The following NIBAN1 variants were observed in gnomAD, a reference collection of about 807,000 sequenced individuals.
NIBAN1 encodes the protein niban apoptosis regulator 1, also known as protein Niban 1.
Under a neutral mutation model 75.1 loss-of-function variants are expected in NIBAN1, and 81 were observed. The ratio of observed to expected loss-of-function variants is 1.08; its 90% CI spans 0.90 to 1.30. NIBAN1 has a LOEUF of 1.30. Ranked by LOEUF, NIBAN1 falls within the 50% of genes most tolerant of loss-of-function variation. The pLI, the probability that NIBAN1 is intolerant of heterozygous loss-of-function variation, is 0.00. For synonymous variants in NIBAN1, 436 were observed against 424.8 expected (o/e 1.03, Z -0.32); for missense variants, 1,133 against 1,128.1 (o/e 1.00, Z -0.06).
chr1:184,919,759 A>G (rs1277217148), intron 1 of NIBAN1, among the ~76,000 whole-genome samples: 1 of 152,134 alleles, frequency 6.6e-6, no homozygotes, highest in Non-Finnish European at 1.5e-5. Flanking sequence ...GAAATTCTGT[A>G]AACATCCTAG....
intron 5 of NIBAN1, among the ~76,000 whole-genome samples, chr1:184,862,420 G>C (rs893129963): frequency 2.0e-5 from 3 of 152,000 alleles, no homozygotes; most frequent in African/African-American, 7.3e-5. Flanking sequence ...GGGCTCAAGC[G>C]ATCCTCCTGC....
At chr1:184,860,155 G>A (rs942831041) in intron 5 of NIBAN1, among the ~76,000 whole-genome samples, 1 of 152,000 alleles carries the variant, frequency 6.6e-6, no homozygotes. Context: ...CAAAGCCATA[G>A]GACTAATATA....
At position 184,890,153 on chromosome 1, in the gene NIBAN1, C is replaced by T. The variant is rs1656628121; in HGVS notation, c.388G>A (p.Asp130Asn). 1 of 1,613,814 alleles carries T rather than the reference C, an allele frequency of 6.2e-7. No homozygotes were observed. The highest frequency in any genetic ancestry group is 1.3e-5 in the African/African-American group (1 of 74,914). ...CTGTCAGACAACAGATTATATTCAT[C>T]TTCTGAGGTTAACACCTTGCCACCG... Reference protein sequence around the residue: ...PAGGKVLTSEDEYNLLSDRHF... With the variant: ...PAGGKVLTSENEYNLLSDRHF... The change falls in exon 4 of 14, where the codon GAT (aspartate) becomes AAT (asparagine). Residue 130 changes from aspartate to asparagine, a missense_variant. Coordinates refer to ENST00000367511, the MANE Select transcript of NIBAN1 (RefSeq NM_052966.4).
chr1:184,934,986 C>A (rs1263411703), intron 1 of NIBAN1, among the ~76,000 whole-genome samples: 1 of 152,202 alleles, frequency 6.6e-6, no homozygotes, highest in African/African-American at 2.4e-5. Context: ...AGGAGGATCA[C>A]TTAAGCCGGG....
intron 1 of NIBAN1, among the ~76,000 whole-genome samples, chr1:184,906,484 G>T (rs2101998844): frequency 6.6e-6 from 1 of 152,114 alleles, no homozygotes; most frequent in Non-Finnish European, 1.5e-5. Flanking sequence ...TACAAAATTA[G>T]CCAGGCGTGG....
At chr1:184,948,132 AT>A (rs1658276065) in intron 1 of NIBAN1, among the ~76,000 whole-genome samples, 3 of 152,182 alleles carry the variant, frequency 2.0e-5, no homozygotes, top group Non-Finnish European at 4.4e-5. Context: ...TAAAAAAAAA[AT>A]CCTTAGGAAT....
chr1:184,964,830 G>T (rs1161003419), intron 1 of NIBAN1, among the ~76,000 whole-genome samples: 1 of 152,136 alleles, frequency 6.6e-6, no homozygotes, highest in Non-Finnish European at 1.5e-5. Context: ...AATATATGTT[G>T]CCTTTATTAT....
rs1310330509 is a variant in NIBAN1 at position 184,855,659 on chromosome 1, T to G, written c.602-23697A>C. Among the ~76,000 whole-genome samples the G allele has an allele frequency of 2.0e-5, 3 of 152,196 alleles. No individual in the cohort carries two copies. The East Asian group carries it at 5.8e-4, about 29-fold the overall frequency. Reference sequence around the variant, plus strand: ...CCACAGCACTTGCTACATTCTGTCATGCTACATAATTTCTTTACTGTGTTC... The same window carrying G: ...CCACAGCACTTGCTACATTCTGTCAGGCTACATAATTTCTTTACTGTGTTC... On this transcript the variant is annotated intron_variant, in intron 5 of 13. Coordinates refer to ENST00000367511, the MANE Select transcript of NIBAN1 (RefSeq NM_052966.4).
chr1:184,864,920 T>C (rs1008526650), intron 5 of NIBAN1, among the ~76,000 whole-genome samples: 6 of 148,700 alleles, frequency 4.0e-5, no homozygotes, highest in African/African-American at 1.5e-4. Context: ...AACTAACTAG[T>C]TATAAGTAGT....
intron 1 of NIBAN1, among the ~76,000 whole-genome samples, chr1:184,913,156 A>ATATATATATATATATATAT (rs1442088032): frequency 1.4e-5 from 2 of 146,472 alleles, no homozygotes; most frequent in African/African-American, 2.5e-5. Context: ...TATATATATT[A>ATATATATATATATATATAT]TATATATATG....
intron 2 of NIBAN1, among the ~76,000 whole-genome samples, chr1:184,894,544 G>C (rs144477718): frequency 6.6e-6 from 1 of 152,342 alleles, no homozygotes; most frequent in East Asian, 1.9e-4. Flanking sequence ...ATGGGAGAGA[G>C]GGAGTGAGGC....
chr1:184,954,786 C>T (rs577778676), intron 1 of NIBAN1, among the ~76,000 whole-genome samples: 1 of 152,292 alleles, frequency 6.6e-6, no homozygotes, highest in South Asian at 2.1e-4. Flanking sequence ...GTGTGGAGAC[C>T]TGAATTCCAA....
intron 5 of NIBAN1, among the ~76,000 whole-genome samples, chr1:184,851,837 C>T (rs760235240): frequency 4.5e-5 from 5 of 111,442 alleles, no homozygotes; most frequent in African/African-American, 7.7e-5. Context: ...GCTGATCTAA[C>T]GACTTTTTTT....
Position 184,795,513 on chromosome 1 carries a change from C to CA in NIBAN1, c.2250_2251insT (p.Glu751Ter). 1 of 1,613,870 alleles carries CA rather than the reference C, an allele frequency of 6.2e-7. No homozygotes were observed. The highest frequency in any genetic ancestry group is 8.5e-7 in the Non-Finnish European group (1 of 1,179,994). On this transcript the variant is annotated frameshift_variant, in exon 14 of 14. Transcript: ENST00000367511. LOFTEE classifies it low-confidence loss of function (END_TRUNC). ...TGGATGGCAGCTGCCTGACTGGGCT[C>CA]TTTTTCCTCTTCTTCTTCATTTTCT...
rs987882655 is a variant in NIBAN1, at chr1:184,901,516, G to C, written c.56-2207C>G. 3.9e-5 allele frequency among the ~76,000 whole-genome samples: 6 copies of C among 152,278 alleles called. No individual in the cohort carries two copies. The East Asian group carries it at 1.2e-3, about 29-fold the overall frequency. On this transcript the variant is annotated intron_variant, in intron 1 of 13. Coordinates refer to ENST00000367511, the MANE Select transcript of NIBAN1 (RefSeq NM_052966.4). ...GGGACAGTGTGGGAATTCCCACAAT[G>C]AGAACGAATCTCACTTTACTAAAAC... is the stretch of plus-strand genomic sequence containing the variant.
intron 6 of NIBAN1, among the ~76,000 whole-genome samples, chr1:184,830,927 G>A (rs1183323928): frequency 6.6e-6 from 1 of 151,898 alleles, no homozygotes; most frequent in East Asian, 1.9e-4. Flanking sequence ...TTGAACTAAG[G>A]AGGCGGAGGT....
At chr1:184,912,836 A>T (rs1657277847) in intron 1 of NIBAN1, among the ~76,000 whole-genome samples, 1 of 152,170 alleles carries the variant, frequency 6.6e-6, no homozygotes, top group Non-Finnish European at 1.5e-5. Context: ...CGTGCAAACT[A>T]TGGAAAGGTG....
intron 1 of NIBAN1, among the ~76,000 whole-genome samples, chr1:184,959,339 T>C (rs1658571392): frequency 6.6e-6 from 1 of 152,250 alleles, no homozygotes; most frequent in Admixed American, 6.5e-5. Context: ...ATATTGCTCT[T>C]GCCTGAAGAC....
chr1:184,809,455 A>G (rs184447117), intron 9 of NIBAN1, among the ~76,000 whole-genome samples: 45 of 152,336 alleles, frequency 3.0e-4, no homozygotes, highest in African/African-American at 1.0e-3. Flanking sequence ...GAAAGCCCTT[A>G]TCATACACAA....
Sources: allele counts gnomAD v4.1 joint callset (sites outside exome capture counted in the v4.1 genomes callset), GRCh38; gene constraint gnomAD v4.1.1; transcripts MANE v1.5; gene names NCBI Gene and HGNC (gene_info 2026-07-23, HGNC 2026-07-21).